HTR3B: variants seen among roughly 807,000 people sequenced by gnomAD.
The protein encoded by HTR3B is 5-hydroxytryptamine (serotonin) receptor 3B, ionotropic.
HTR3B carries 44 observed loss-of-function variants against 42.8 expected under a neutral mutation model. That is an observed-to-expected ratio of 1.03 (90% CI 0.81 to 1.32). The LOEUF is 1.32. Ranked by LOEUF, HTR3B falls within the 40% of genes most tolerant of loss-of-function variation. HTR3B has a pLI of 0.00. For synonymous variants in HTR3B, 203 were observed against 209.0 expected (o/e 0.97, Z 0.25); for missense variants, 527 against 536.5 (o/e 0.98, Z 0.17).
chr11:113,908,271 T>C (rs1038297974), intron 1 of HTR3B, among the ~76,000 whole-genome samples: 2 of 152,118 alleles, frequency 1.3e-5, no homozygotes, highest in African/African-American at 4.8e-5. Flanking sequence ...AAGAAATGGG[T>C]ATAAACAGGA....
rs533013681 is a variant in HTR3B at position 113,909,576 on chromosome 11, C to T, written c.213+121C>T. On this transcript the variant is annotated intron_variant, in intron 2 of 8. Coordinates refer to ENST00000260191, the MANE Select transcript of HTR3B (RefSeq NM_006028.5). ...TGTAGTTGAACTGGCAGGGAAGTTG[C>T]GCTAGATTCATTTTAGCAGTTAGGT... 2.2e-4 allele frequency: 168 copies of T among 776,386 alleles called. 4 individuals carry two copies. In the South Asian group the frequency reaches 3.0e-3, roughly 14 times the overall value. The allele number at this position is 776,386 out of a possible 1,614,324, so 48.1% of individuals were successfully genotyped here.
chr11:113,934,364 A>AAAGG (rs997448002), intron 6 of HTR3B, among the ~76,000 whole-genome samples: 6 of 151,850 alleles, frequency 4.0e-5, no homozygotes, highest in Admixed American at 2.0e-4. Context: ...AAAAGAAAAG[A>AAAGG]AAGGAAGGAA....
upstream of HTR3B, among the ~76,000 whole-genome samples, chr11:113,900,161 G>A (rs1017341463): frequency 3.3e-5 from 5 of 152,016 alleles, no homozygotes; most frequent in Admixed American, 2.0e-4. Context: ...GGGAGGCTGA[G>A]GCAGGAGAAT....
chr11:113,932,557 G>T lies in HTR3B; in HGVS notation c.538+99G>T, dbSNP rs1950046922. On this transcript the variant is annotated intron_variant, in intron 5 of 8. Coordinates refer to ENST00000260191, the MANE Select transcript of HTR3B (RefSeq NM_006028.5). ...TCTATTTTATTCTTGCAGATAATTG[G>T]CTATTTAAAAATTGGAATCTCTTCT... The T allele has an allele frequency of 8.2e-6, 9 of 1,093,836 alleles. No individual in the cohort carries two copies. In the South Asian group the frequency reaches 1.4e-4, roughly 17 times the overall value. 67.8% of individuals were successfully genotyped at this position (1,093,836 alleles called of 1,614,324 possible). A position where few individuals can be genotyped will look rare whatever the true frequency, so the allele number is the denominator to read the frequency against.
At chr11:113,923,277 A>G (rs1431735121) in intron 2 of HTR3B, among the ~76,000 whole-genome samples, 1 of 152,192 alleles carries the variant, frequency 6.6e-6, no homozygotes, top group Non-Finnish European at 1.5e-5. Context: ...TTTTGTTTAG[A>G]ATGAAGAGCT....
At chr11:113,941,340 C>G (rs571572652) in intron 6 of HTR3B, among the ~76,000 whole-genome samples, 1 of 152,136 alleles carries the variant, frequency 6.6e-6, no homozygotes, top group Non-Finnish European at 1.5e-5. Context: ...CAGTCCAGGC[C>G]GTAGTGGGGA....
intron 2 of HTR3B, among the ~76,000 whole-genome samples, chr11:113,919,879 A>C (rs74466380): frequency 0.013 from 1,924 of 152,110 alleles, 34 homozygotes; most frequent in African/African-American, 0.044. Flanking sequence ...AAAGAGTACA[A>C]GGTTTAAATT....
At chr11:113,918,662 A>AT (rs35902629) in intron 2 of HTR3B, among the ~76,000 whole-genome samples, 36,544 of 129,692 alleles carry the variant, frequency 0.28, 4,796 homozygotes, top group Middle Eastern at 0.38. Flanking sequence ...CAATCTATGC[A>AT]TTTTTTTTTT....
At chr11:113,901,992 A>G (rs1949700312), upstream of HTR3B, among the ~76,000 whole-genome samples, 1 of 152,174 alleles carries the variant, frequency 6.6e-6, no homozygotes, top group African/African-American at 2.4e-5. Context: ...GAAGCTGACA[A>G]TTCAAAGAAC....
intron 1 of HTR3B, among the ~76,000 whole-genome samples, chr11:113,906,331 G>A (rs952570443): frequency 1.3e-5 from 2 of 152,172 alleles, no homozygotes; most frequent in Non-Finnish European, 2.9e-5. Context: ...TGGTATAGAA[G>A]GAGGCCTGAA....
chr11:113,913,350 A>ATTTTTTTTTTTTTTTTTTTTTTTTTT (rs71063533), intron 2 of HTR3B, among the ~76,000 whole-genome samples: 10 of 61,518 alleles, frequency 1.6e-4, no homozygotes, highest in Non-Finnish European at 1.7e-4. Flanking sequence ...TGTCTGGCTA[A>ATTTTTTTTTTTTTTTTTTTTTTTTTT]TTTTTTTTTT....
At chr11:113,933,763 C>G (rs1950062365) in intron 6 of HTR3B, among the ~76,000 whole-genome samples, 2 of 152,172 alleles carry the variant, frequency 1.3e-5, no homozygotes, top group Non-Finnish European at 2.9e-5. Flanking sequence ...ATTTGTACTC[C>G]AGAGGCAGCC....
intron 2 of HTR3B, among the ~76,000 whole-genome samples, chr11:113,922,538 CTG>C (rs1355851909): frequency 6.6e-6 from 1 of 150,584 alleles, no homozygotes; most frequent in Non-Finnish European, 1.5e-5. Flanking sequence ...TGAGCCAAGT[CTG>C]TGTTTTTATT....
intron 6 of HTR3B, among the ~76,000 whole-genome samples, chr11:113,942,574 A>T (rs753656064): frequency 5.9e-5 from 9 of 152,342 alleles, no homozygotes; most frequent in East Asian, 5.8e-4. Context: ...AAGGAATTCA[A>T]CCTCTTTGAA....
chr11:113,931,254 G>A lies in HTR3B; in HGVS notation c.214-130G>A, dbSNP rs947545348. The A allele has an allele frequency of 1.6e-4, 110 of 694,052 alleles. 4 individuals carry two copies. The Middle Eastern group carries it at 3.6e-3, about 23-fold the overall frequency. The allele number at this position is 694,052 out of a possible 1,614,324, so 43.0% of individuals were successfully genotyped here. A position where few individuals can be genotyped will look rare whatever the true frequency, so the allele number is the denominator to read the frequency against. ...GAATGCCTAGGTATTGAAGAGTCTA[G>A]GTAATGTTTTTAATATCAGCATTAT... On this transcript the variant is annotated intron_variant, in intron 2 of 8. Transcript: ENST00000260191.
chr11:113,922,360 A>G (rs1445836168), intron 2 of HTR3B, among the ~76,000 whole-genome samples: 1 of 151,664 alleles, frequency 6.6e-6, no homozygotes, highest in Non-Finnish European at 1.5e-5. Flanking sequence ...CAGCCTCCCA[A>G]GTAGCTGGTA....
At chr11:113,905,719 C>G (rs1949729043) in intron 1 of HTR3B, among the ~76,000 whole-genome samples, 1 of 152,068 alleles carries the variant, frequency 6.6e-6, no homozygotes, top group African/African-American at 2.4e-5. Flanking sequence ...TGCTGGTGTT[C>G]TCAACACCCC....
At chr11:113,911,197 G>C (rs1949789305) in intron 2 of HTR3B, among the ~76,000 whole-genome samples, 1 of 151,908 alleles carries the variant, frequency 6.6e-6, no homozygotes, top group South Asian at 2.1e-4. Context: ...ACAAGCTGAT[G>C]AATGTTGCTA....
In HTR3B at chr11:113,940,978, A is replaced by G. The variant is rs190127944; in HGVS notation, c.697-2004A>G. Among the ~76,000 whole-genome samples the G allele has an allele frequency of 8.5e-5, 13 of 152,356 alleles. No homozygotes were observed. The South Asian group carries it at 1.2e-3, about 15-fold the overall frequency. ...GCTTGGAATCGGAAGATGTGGGGGC[A>G]CATCCCAGCTCTGTCTCTTACTCAA... On this transcript the variant is annotated intron_variant, in intron 6 of 8. Transcript: ENST00000260191.
Sources: allele counts gnomAD v4.1 joint callset (sites outside exome capture counted in the v4.1 genomes callset), GRCh38; gene constraint gnomAD v4.1.1; transcripts MANE v1.5; gene names NCBI Gene and HGNC (gene_info 2026-07-23, HGNC 2026-07-21).